Variants in ADAM9 observed in about 807,000 individuals in gnomAD.
ADAM9 encodes disintegrin and metalloproteinase domain-containing protein 9.
ADAM9 carries 54 observed loss-of-function variants against 108.1 expected under a neutral mutation model. The ratio of observed to expected loss-of-function variants is 0.50; its 90% CI spans 0.40 to 0.63. The LOEUF (loss-of-function observed/expected upper bound fraction) is 0.63, where lower values mean the gene tolerates loss of function less well. Among genes scored for constraint, ADAM9 ranks in the 20% least tolerant of loss-of-function variants. ADAM9 has a pLI of 0.00. For synonymous variants in ADAM9, 316 were observed against 336.0 expected, an observed-to-expected ratio of 0.94 and a Z score of 0.65; for missense variants, 830 against 997.7, an observed-to-expected ratio of 0.83 and a Z score of 2.26.
chr8:39,073,790 A>G (rs1045100957), intron 15 of ADAM9, among the ~76,000 whole-genome samples: 1 of 152,200 alleles, frequency 6.6e-6, no homozygotes, highest in Admixed American at 6.5e-5. Flanking sequence ...AATAGCAACT[A>G]TACTTATCAA....
At chr8:39,074,674 C>T (rs7003738) in intron 15 of ADAM9, among the ~76,000 whole-genome samples, 3 of 151,740 alleles carry the variant, frequency 2.0e-5, no homozygotes, top group Admixed American at 6.6e-5. Context: ...TTCCAACATC[C>T]GGACTCAATC....
chr8:39,030,289 A>G (rs1003629639), intron 11 of ADAM9, among the ~76,000 whole-genome samples: 3 of 152,028 alleles, frequency 2.0e-5, no homozygotes, highest in Admixed American at 6.6e-5. Flanking sequence ...GGCAACCACT[A>G]ATCTTTTTAC....
rs529328215 is a variant in ADAM9, at chr8:39,040,292, G to A, written c.1131-1654G>A. Among the ~76,000 whole-genome samples, 3 of 152,082 alleles carry A rather than the reference G, an allele frequency of 2.0e-5. No homozygotes were observed. In the South Asian group the frequency reaches 6.2e-4, roughly 32 times the overall value. Reference sequence around the variant, plus strand: ...TGGAACTCCTGACCTCAAGCGATCCGCCCGCCTCAGCCTCCCAAAGTGCTG... The same window carrying A: ...TGGAACTCCTGACCTCAAGCGATCCACCCGCCTCAGCCTCCCAAAGTGCTG... On this transcript the variant is annotated intron_variant, in intron 11 of 21. Coordinates refer to ENST00000487273, the MANE Select transcript of ADAM9 (RefSeq NM_003816.3).
chr8:39,053,500 A>G (rs1838021356), intron 12 of ADAM9, among the ~76,000 whole-genome samples: 1 of 152,212 alleles, frequency 6.6e-6, no homozygotes, highest in Non-Finnish European at 1.5e-5. Flanking sequence ...CAAGATGTAC[A>G]TTAAAGTTCA....
intron 17 of ADAM9, 60 bp downstream of exon 17, chr8:39,082,781 A>G: frequency 1.3e-6 from 1 of 779,568 alleles, no homozygotes; most frequent in Non-Finnish European, 1.9e-6. Flanking sequence ...GAGAAATCTC[A>G]GGACTAGATG....
chr8:39,039,731 T>C, intron 11 of ADAM9, among the ~76,000 whole-genome samples: 1 of 152,244 alleles, frequency 6.6e-6, no homozygotes, highest in East Asian at 1.9e-4. Context: ...GATCTCCTTT[T>C]ATAAGGATGA....
chr8:39,011,664 T>TA lies in ADAM9; in HGVS notation c.203dup (p.Tyr68Ter). The stretch of plus-strand genomic sequence containing the variant: ...TCCCCTTCTGTGCATTTAGGTATCT[T>TA]ATGTTATTCAGGCTGAAGGAAAAGA... ...APRPYSKQVS[Y>*]VIQAEGKEHI... Residue 68 changes from tyrosine to a stop codon, truncating the protein, a stop_gained and frameshift_variant, in exon 3 of 22, where the codon TAT becomes TAAT. Coordinates refer to ENST00000487273, the MANE Select transcript of ADAM9 (RefSeq NM_003816.3). LOFTEE classifies it high-confidence loss of function. The TA allele has an allele frequency of 6.2e-7, 1 of 1,610,378 alleles. No individual in the cohort carries two copies. The highest frequency in any genetic ancestry group is 8.5e-7 in the Non-Finnish European group (1 of 1,176,764).
rs1836445605 is a variant in ADAM9 at position 39,014,054 on chromosome 8, T to C, written c.333+11T>C. The C allele has an allele frequency of 2.5e-6, 4 of 1,605,140 alleles. No homozygotes were observed. The highest frequency in any genetic ancestry group is 3.4e-6 in the Non-Finnish European group (4 of 1,171,898). ...CATCCCAATATACAGGTAATGTATT[T>C]TTCTCTTGATCCCATAGCAAATTTT... On this transcript the variant is annotated intron_variant, in intron 4 of 21. Coordinates refer to ENST00000487273, the MANE Select transcript of ADAM9 (RefSeq NM_003816.3).
At chr8:39,018,819 C>T (rs1836634811) in intron 6 of ADAM9, 34 bp from the exon 7 acceptor site, 6 of 1,599,262 alleles carry the variant, frequency 3.8e-6, no homozygotes, top group African/African-American at 1.3e-5. Flanking sequence ...CTTATAACTT[C>T]CTTTTGCCTT....
intron 12 of ADAM9, among the ~76,000 whole-genome samples, chr8:39,045,337 CCTAT>C (rs1564300359): frequency 2.1e-5 from 3 of 142,770 alleles, no homozygotes; most frequent in East Asian, 4.2e-4. Flanking sequence ...TGTGTGTACA[CCTAT>C]ACATGTGTGT....
intron 1 of ADAM9, among the ~76,000 whole-genome samples, chr8:39,000,508 C>G (rs1347336027): frequency 6.6e-6 from 1 of 151,928 alleles, no homozygotes; most frequent in South Asian, 2.1e-4. Flanking sequence ...GTTGCCCAGG[C>G]TGGAGTGCAG....
intron 14 of ADAM9, among the ~76,000 whole-genome samples, chr8:39,066,765 A>G (rs1166073436): frequency 6.6e-6 from 1 of 152,000 alleles, no homozygotes; most frequent in African/African-American, 2.4e-5. Context: ...ATTAGATCCT[A>G]TTTGTCAATT....
At chr8:39,060,259 C>T (rs1429715888) in intron 14 of ADAM9, among the ~76,000 whole-genome samples, 3 of 152,208 alleles carry the variant, frequency 2.0e-5, no homozygotes, top group Non-Finnish European at 4.4e-5. Flanking sequence ...AGGGAACTGT[C>T]GGAGGCGCTA....
At position 39,104,477 on chromosome 8, in the gene ADAM9, TA is replaced by T. The variant is rs1235612185; in HGVS notation, c.*779del. ...ACTATTTTAAATAAATTATAAGCTT[TA>T]AGGTACGAAGTATTTAATAGATCTA... On this transcript the variant is annotated 3_prime_UTR_variant, in exon 22 of 22. Coordinates refer to ENST00000487273, the MANE Select transcript of ADAM9 (RefSeq NM_003816.3). 6 of 388,612 alleles carry T rather than the reference TA, an allele frequency of 1.5e-5. No individual in the cohort carries two copies. The highest frequency in any genetic ancestry group is 2.5e-5 in the Non-Finnish European group (5 of 199,088). The allele number at this position is 388,612 out of a possible 1,614,324, so 24.1% of individuals were successfully genotyped here. A position where few individuals can be genotyped will look rare whatever the true frequency, so the allele number is the denominator to read the frequency against.
At chr8:39,056,954 T>G (rs1222484414) in intron 14 of ADAM9, among the ~76,000 whole-genome samples, 1 of 152,184 alleles carries the variant, frequency 6.6e-6, no homozygotes, top group Non-Finnish European at 1.5e-5. Context: ...TTTTGGTCAG[T>G]GAGAGATTGC....
chr8:39,039,184 A>G (rs78199456), intron 11 of ADAM9, among the ~76,000 whole-genome samples: 6,218 of 152,286 alleles, frequency 0.041, 441 homozygotes, highest in African/African-American at 0.14. Context: ...AGAATGCAAC[A>G]TAGCTTTCAC....
chr8:39,093,760 A>C (rs915879816), intron 20 of ADAM9, among the ~76,000 whole-genome samples: 1 of 151,842 alleles, frequency 6.6e-6, no homozygotes, highest in Non-Finnish European at 1.5e-5. Flanking sequence ...GAGGTTCATT[A>C]TTTCTTTCTT....
chr8:39,036,594 T>C (rs546146506), intron 11 of ADAM9, among the ~76,000 whole-genome samples: 85 of 152,284 alleles, frequency 5.6e-4, no homozygotes, highest in African/African-American at 1.6e-3. Context: ...AAATCATTAA[T>C]ATTGTAGAGT....
chr8:39,103,593 T>G lies in ADAM9; in HGVS notation c.2367-14T>G, dbSNP rs1839767842. 4 of 1,612,414 alleles carry G rather than the reference T, an allele frequency of 2.5e-6. No individual in the cohort carries two copies. Among genetic ancestry groups the G allele is most frequent in the African/African-American group, 1.3e-5 (1 of 74,850 alleles). ...GTCTAAACACTCTATTAACTATCTC[T>G]TTTCCCCTCGCAGGCCACCTCCACC... On this transcript the variant is annotated splice_polypyrimidine_tract_variant and intron_variant, in intron 21 of 21. Coordinates refer to ENST00000487273, the MANE Select transcript of ADAM9 (RefSeq NM_003816.3).
Sources: allele counts gnomAD v4.1 joint callset (sites outside exome capture counted in the v4.1 genomes callset), GRCh38; gene constraint gnomAD v4.1.1; transcripts MANE v1.5; gene names NCBI Gene and HGNC (gene_info 2026-07-23, HGNC 2026-07-21).